CACNB2: variants seen among roughly 807,000 people sequenced by gnomAD.
CACNB2 encodes calcium voltage-gated channel auxiliary subunit beta 2, also known as voltage-dependent L-type calcium channel subunit beta-2.
CACNB2 carries 42 observed loss-of-function variants against 73.3 expected under a neutral mutation model. The ratio of observed to expected loss-of-function variants is 0.57; its 90% CI spans 0.45 to 0.74. The LOEUF (loss-of-function observed/expected upper bound fraction) is 0.74, where lower values mean the gene tolerates loss of function less well. CACNB2 is among the 30% of genes least tolerant of loss of function. CACNB2 has a pLI of 0.00. For synonymous variants in CACNB2, 348 were observed against 310.3 expected, an observed-to-expected ratio of 1.12 and a Z score of -1.28; for missense variants, 940 against 853.0, an observed-to-expected ratio of 1.10 and a Z score of -1.27.
chr10:18,157,595 TC>T (rs1239572993), intron 2 of CACNB2, among the ~76,000 whole-genome samples: 2 of 152,216 alleles, frequency 1.3e-5, no homozygotes, highest in African/African-American at 4.8e-5. Flanking sequence ...AAGTTCTGTC[TC>T]CCCGTTTCAC....
chr10:18,312,000 A>G (rs1347346719), intron 2 of CACNB2, among the ~76,000 whole-genome samples: 1 of 152,204 alleles, frequency 6.6e-6, no homozygotes. Flanking sequence ...GTCAGTATTT[A>G]CTTTAAACTA....
At chr10:18,324,266 G>T (rs1351991454) in intron 2 of CACNB2, among the ~76,000 whole-genome samples, 1 of 152,194 alleles carries the variant, frequency 6.6e-6, no homozygotes, top group Non-Finnish European at 1.5e-5. Context: ...ATATGCAATG[G>T]ATAATGAAGA....
At chr10:18,514,857 A>C (rs1411249131) in intron 7 of CACNB2, 4 of 745,760 alleles carry the variant, frequency 5.4e-6, no homozygotes, top group African/African-American at 1.8e-5. Flanking sequence ...AATTTAACTT[A>C]TGATCAAACA....
intron 3 of CACNB2, among the ~76,000 whole-genome samples, chr10:18,480,303 G>GT (rs2048658341): frequency 1.3e-5 from 2 of 151,540 alleles, no homozygotes; most frequent in African/African-American, 4.9e-5. Flanking sequence ...TGTGGGATTT[G>GT]TTTTTTTCTC....
At chr10:18,278,173 G>T (rs886821927) in intron 2 of CACNB2, among the ~76,000 whole-genome samples, 6 of 152,128 alleles carry the variant, frequency 3.9e-5, no homozygotes, top group Non-Finnish European at 8.8e-5. Context: ...AGAAATGCAG[G>T]ATTTAGCTTA....
chr10:18,228,683 A>G (rs759010068), intron 2 of CACNB2, among the ~76,000 whole-genome samples: 1 of 152,066 alleles, frequency 6.6e-6, no homozygotes, highest in African/African-American at 2.4e-5. Flanking sequence ...ACTTGCAGAG[A>G]CAGCCTGTGT....
intron 1 of CACNB2, among the ~76,000 whole-genome samples, chr10:18,144,122 G>C (rs1411229822): frequency 6.6e-6 from 1 of 152,140 alleles, no homozygotes; most frequent in Admixed American, 6.5e-5. Flanking sequence ...CTGTCACCCA[G>C]GCTGGAGTGC....
At chr10:18,421,636 T>G (rs2045330170) in intron 3 of CACNB2, among the ~76,000 whole-genome samples, 3 of 152,172 alleles carry the variant, frequency 2.0e-5, no homozygotes, top group African/African-American at 7.2e-5. Context: ...TAAGTGGTTA[T>G]TTTTTTCTGG....
At chr10:18,177,652 G>A (rs1448515945) in intron 2 of CACNB2, among the ~76,000 whole-genome samples, 1 of 151,986 alleles carries the variant, frequency 6.6e-6, no homozygotes, top group African/African-American at 2.4e-5. Context: ...AGGAGGACAG[G>A]CAGGCAGTGA....
intron 2 of CACNB2, among the ~76,000 whole-genome samples, chr10:18,196,133 ATTC>A (rs954756804): frequency 1.3e-5 from 2 of 152,058 alleles, no homozygotes; most frequent in Non-Finnish European, 2.9e-5. Context: ...TATTATTACT[ATTC>A]TTATTTTACA....
intron 2 of CACNB2, among the ~76,000 whole-genome samples, chr10:18,162,210 A>G (rs929822881): frequency 2.6e-5 from 4 of 152,152 alleles, no homozygotes; most frequent in Admixed American, 2.0e-4. Flanking sequence ...TACCTCATCT[A>G]TTGAGTTCTT....
rs1224061335 is a variant in CACNB2, at chr10:18,222,690, A to C, written c.213+71715A>C. The stretch of plus-strand genomic sequence containing the variant: ...AGTGGCTAATGCCTGTAATCCCAGC[A>C]CTTTGGGAGGCCGAGGTGAGTGGAT... On this transcript the variant is annotated intron_variant, in intron 2 of 13. Coordinates refer to ENST00000324631, the MANE Select transcript of CACNB2 (RefSeq NM_201596.3). Among the ~76,000 whole-genome samples, 2 of 152,186 alleles carry C rather than the reference A, an allele frequency of 1.3e-5. 1 individual carries two copies. The highest frequency in any genetic ancestry group is 4.1e-4 in the South Asian group (2 of 4,826).
intron 2 of CACNB2, among the ~76,000 whole-genome samples, chr10:18,156,764 C>G (rs12246864): frequency 6.6e-6 from 1 of 151,928 alleles, no homozygotes; most frequent in African/African-American, 2.4e-5. Flanking sequence ...CGTGGTGGCT[C>G]ACACCTGTAA....
chr10:18,185,595 T>C (rs1051745564), intron 2 of CACNB2, among the ~76,000 whole-genome samples: 5 of 152,190 alleles, frequency 3.3e-5, no homozygotes, highest in Admixed American at 2.6e-4. Flanking sequence ...ATATACTAAC[T>C]GAAATAGTAC....
intron 9 of CACNB2, among the ~76,000 whole-genome samples, chr10:18,520,488 T>C (rs2051752610): frequency 6.6e-6 from 1 of 152,210 alleles, no homozygotes; most frequent in Non-Finnish European, 1.5e-5. Context: ...GCTTCTGTGG[T>C]TGTTCCCTTA....
chr10:18,211,391 A>G (rs947225448), intron 2 of CACNB2, among the ~76,000 whole-genome samples: 1 of 152,184 alleles, frequency 6.6e-6, no homozygotes, highest in Non-Finnish European at 1.5e-5. Context: ...TTAAATATTT[A>G]TCATTCAACT....
chr10:18,188,064 G>A (rs1588654998), intron 2 of CACNB2, among the ~76,000 whole-genome samples: 2 of 152,048 alleles, frequency 1.3e-5, no homozygotes, highest in Non-Finnish European at 2.9e-5. Flanking sequence ...TTGTATTTCT[G>A]TTAATTGACA....
intron 2 of CACNB2, among the ~76,000 whole-genome samples, chr10:18,265,171 G>A (rs1333762484): frequency 1.7e-5 from 2 of 114,896 alleles, no homozygotes; most frequent in Admixed American, 9.5e-5. Flanking sequence ...TTTTTTTTGA[G>A]ATGGAGTCTC....
At chr10:18,473,624 G>A (rs2048298957) in intron 3 of CACNB2, among the ~76,000 whole-genome samples, 1 of 152,122 alleles carries the variant, frequency 6.6e-6, no homozygotes, top group Non-Finnish European at 1.5e-5. Context: ...TACTTTTCTG[G>A]TGCACTGGTG....
Sources: gnomAD v4.1 joint callset for allele counts (sites outside exome capture counted in the v4.1 genomes callset) on GRCh38, gnomAD v4.1.1 for gene constraint, MANE v1.5 for transcripts, NCBI Gene and HGNC (gene_info 2026-07-23, HGNC 2026-07-21) for gene names.